NBAS: variants seen among roughly 807,000 people sequenced by gnomAD.
NBAS encodes NBAS subunit of NRZ tethering complex, also known as NAG/BC035112 fusion.
Under a neutral mutation model 302.5 loss-of-function variants are expected in NBAS, and 219 were observed. The ratio of observed to expected loss-of-function variants is 0.72; its 90% confidence interval spans 0.65 to 0.81. The LOEUF is 0.81. NBAS is among the 30% of genes least tolerant of loss of function. NBAS has a pLI of 0.00. For synonymous variants in NBAS, 1,118 were observed against 1,021.6 expected, an observed-to-expected ratio of 1.09 and a Z score of -1.80; for missense variants, 2,932 against 2,841.6, an observed-to-expected ratio of 1.03 and a Z score of -0.72.
At chr2:14,988,182 C>G in the NBAS span, among the ~76,000 whole-genome samples, 1 of 152,130 alleles carries the variant, frequency 6.6e-6, no homozygotes, top group Non-Finnish European at 1.5e-5. Flanking sequence ...GGAACTCTAC[C>G]CCAAATATTT....
the NBAS span, among the ~76,000 whole-genome samples, chr2:15,108,819 C>T: frequency 1.3e-5 from 2 of 151,942 alleles, no homozygotes; most frequent in Admixed American, 6.6e-5. Context: ...AGGGTTTTTA[C>T]GTCTTATCAT....
chr2:15,283,378 G>T (rs2148076909), intron 42 of NBAS, among the ~76,000 whole-genome samples: 1 of 152,226 alleles, frequency 6.6e-6, no homozygotes, highest in South Asian at 2.1e-4. Context: ...GTTGTGGGAG[G>T]AACCCGGTGG....
chr2:15,112,110 GC>G, the NBAS span, among the ~76,000 whole-genome samples: 1 of 151,140 alleles, frequency 6.6e-6, no homozygotes, highest in Non-Finnish European at 1.5e-5. Context: ...ACACCAGAAA[GC>G]CAAATCTGCA....
chr2:15,502,344 T>C (rs1661608348), intron 11 of NBAS, among the ~76,000 whole-genome samples: 1 of 152,204 alleles, frequency 6.6e-6, no homozygotes, highest in African/African-American at 2.4e-5. Flanking sequence ...GCTCTAAAAT[T>C]ATAGTACAGT....
intron 5 of NBAS, among the ~76,000 whole-genome samples, chr2:15,552,249 G>A (rs536234753): frequency 5.3e-5 from 8 of 152,206 alleles, no homozygotes; most frequent in South Asian, 2.1e-4. Context: ...ATTTATAAAG[G>A]AGAAAAATAA....
intron 11 of NBAS, among the ~76,000 whole-genome samples, chr2:15,499,749 C>T (rs1028500440): frequency 6.6e-6 from 1 of 151,912 alleles, no homozygotes. Flanking sequence ...TGCACAGGTA[C>T]CCCTGAACTT....
chr2:15,234,658 A>T lies in NBAS; in HGVS notation c.6033T>A (p.Asp2011Glu). Residue 2011 changes from aspartate to glutamate, a missense_variant, in exon 46 of 52, where the codon GAT becomes GAA. By Grantham distance (45) the Asp-to-Glu change is conservative. Coordinates refer to ENST00000281513, the MANE Select transcript of NBAS (RefSeq NM_015909.4). ...GCTGAATCATTGCTAGAGGCTGACC[A>T]TCTAAACAAATAGCCACAGCTTCAT... ...LHDEAVAICL[D>E]GQPLAMIQQL... is the part of the protein sequence containing the mutation. 1 of 1,614,196 alleles carries T rather than the reference A, an allele frequency of 6.2e-7. No individual in the cohort carries two copies. Among genetic ancestry groups the T allele is most frequent in the Non-Finnish European group, 8.5e-7 (1 of 1,180,012 alleles).
At chr2:15,234,302 T>C (rs2147932848) in intron 46 of NBAS, among the ~76,000 whole-genome samples, 1 of 152,320 alleles carries the variant, frequency 6.6e-6, no homozygotes, top group African/African-American at 2.4e-5. Flanking sequence ...CAAGAAAAGA[T>C]TGTAAAAGGG....
intron 21 of NBAS, among the ~76,000 whole-genome samples, chr2:15,434,788 G>A (rs944853110): frequency 4.6e-5 from 7 of 152,086 alleles, no homozygotes; most frequent in East Asian, 1.9e-4. Flanking sequence ...GTGGTAACAC[G>A]GAAAGATCTG....
chr2:14,876,562 A>G, the NBAS span, among the ~76,000 whole-genome samples: 1 of 152,238 alleles, frequency 6.6e-6, no homozygotes, highest in African/African-American at 2.4e-5. Context: ...GGACTTAGGA[A>G]TCATTCCTGT....
chr2:15,531,107 A>C (rs1236555737), intron 9 of NBAS, among the ~76,000 whole-genome samples: 1 of 152,226 alleles, frequency 6.6e-6, no homozygotes, highest in Non-Finnish European at 1.5e-5. Flanking sequence ...AGATAAAATA[A>C]AGCCATTTTC....
At chr2:14,930,408 T>C in the NBAS span, among the ~76,000 whole-genome samples, 1 of 152,178 alleles carries the variant, frequency 6.6e-6, no homozygotes, top group Non-Finnish European at 1.5e-5. Context: ...TTGACTTAGA[T>C]TGAACTGAAC....
At chr2:15,106,309 C>T in the NBAS span, among the ~76,000 whole-genome samples, 4 of 152,210 alleles carry the variant, frequency 2.6e-5, 1 homozygote, top group South Asian at 8.3e-4. Context: ...CACTAGAAAT[C>T]CTGCTCTGGG....
the NBAS span, among the ~76,000 whole-genome samples, chr2:15,016,865 T>C: frequency 2.6e-4 from 39 of 152,088 alleles, no homozygotes; most frequent in African/African-American, 8.2e-4. Flanking sequence ...TTTCTGTACA[T>C]AGTAGGTGTA....
chr2:14,913,553 A>AT, the NBAS span, among the ~76,000 whole-genome samples: 1 of 147,628 alleles, frequency 6.8e-6, no homozygotes, highest in African/African-American at 2.7e-5. Context: ...AAGCTAAACT[A>AT]ACTGAGATAT....
At chr2:15,105,458 AC>A in the NBAS span, among the ~76,000 whole-genome samples, 1 of 151,516 alleles carries the variant, frequency 6.6e-6, no homozygotes, top group Non-Finnish European at 1.5e-5. Flanking sequence ...ATGACTACTT[AC>A]AAAAAAAAAA....
chr2:15,557,634 T>G (rs1558437624), intron 2 of NBAS, among the ~76,000 whole-genome samples: 1 of 152,348 alleles, frequency 6.6e-6, no homozygotes, highest in East Asian at 1.9e-4. Context: ...ACTTAACTTC[T>G]GTGAAAATGA....
the NBAS span, among the ~76,000 whole-genome samples, chr2:14,881,027 C>T: frequency 2.6e-5 from 4 of 151,874 alleles, no homozygotes; most frequent in Non-Finnish European, 4.4e-5. Flanking sequence ...AAAAAAAGTT[C>T]TTTAAGACTC....
At chr2:15,191,116 G>A (rs1014606567) in intron 48 of NBAS, among the ~76,000 whole-genome samples, 1 of 152,070 alleles carries the variant, frequency 6.6e-6, no homozygotes, top group Non-Finnish European at 1.5e-5. Context: ...ATAAGCCAAA[G>A]TCTGGTTCTC....
Sources: gnomAD v4.1 joint callset for allele counts (sites outside exome capture counted in the v4.1 genomes callset) on GRCh38, gnomAD v4.1.1 for gene constraint, MANE v1.5 for transcripts, NCBI Gene and HGNC (gene_info 2026-07-23, HGNC 2026-07-21) for gene names.